The following COMMD1 variants were observed in gnomAD, a reference collection of about 807,000 sequenced individuals.
The protein encoded by COMMD1 is copper metabolism domain containing 1.
COMMD1 carries 10 observed loss-of-function variants against 17.2 expected under a neutral mutation model. The observed-to-expected ratio is 0.58, with a 90% CI of 0.36 to 0.99. COMMD1 has a LOEUF of 0.99. COMMD1 is among the 50% of genes least tolerant of loss of function. The pLI is 0.01. For missense variants in COMMD1, 270 were observed against 231.8 expected (o/e 1.17, Z -1.07); for synonymous variants, 97 against 91.6 (o/e 1.06, Z -0.34).
At chr2:61,971,249 C>G (rs1275892743) in intron 1 of COMMD1, among the ~76,000 whole-genome samples, 1 of 152,204 alleles carries the variant, frequency 6.6e-6, no homozygotes, top group Non-Finnish European at 1.5e-5. Flanking sequence ...AATAAAGGGG[C>G]GTGAGAGCCT....
intron 2 of COMMD1, among the ~76,000 whole-genome samples, chr2:62,010,224 A>C (rs1296714986): frequency 1.3e-5 from 2 of 152,080 alleles, no homozygotes; most frequent in Non-Finnish European, 2.9e-5. Context: ...GACATACTTG[A>C]ATTACCTTGT....
At chr2:61,933,167 C>T (rs1174386361) in intron 1 of COMMD1, among the ~76,000 whole-genome samples, 1 of 151,906 alleles carries the variant, frequency 6.6e-6, no homozygotes, top group East Asian at 1.9e-4. Context: ...CTGAAATTAG[C>T]CGCATTTATC....
chr2:61,946,455 A>C (rs1034701282), intron 1 of COMMD1, among the ~76,000 whole-genome samples: 2 of 152,180 alleles, frequency 1.3e-5, no homozygotes, highest in African/African-American at 2.4e-5. Context: ...GGATATGATA[A>C]AGCACTGGAA....
intron 2 of COMMD1, among the ~76,000 whole-genome samples, chr2:62,001,504 C>A (rs1668940803): frequency 6.6e-6 from 1 of 152,102 alleles, no homozygotes. Flanking sequence ...CTTCTTTTCC[C>A]AACAGTTACA....
intron 2 of COMMD1, among the ~76,000 whole-genome samples, chr2:62,099,512 C>A (rs932557750): frequency 6.6e-6 from 1 of 151,940 alleles, no homozygotes; most frequent in African/African-American, 2.4e-5. Context: ...GCTGTGGTGC[C>A]CACTGGGGAC....
intron 1 of COMMD1, among the ~76,000 whole-genome samples, chr2:61,984,146 T>A (rs1672036614): frequency 6.6e-6 from 1 of 152,152 alleles, no homozygotes; most frequent in African/African-American, 2.4e-5. Context: ...CACCTCAGCC[T>A]CCTGAGTGGC....
intron 2 of COMMD1, among the ~76,000 whole-genome samples, chr2:62,123,081 A>G (rs943772386): frequency 6.6e-6 from 1 of 152,208 alleles, no homozygotes; most frequent in Non-Finnish European, 1.5e-5. Flanking sequence ...CATGGAAGCC[A>G]GGTGTGTTGG....
chr2:62,079,278 A>AC (rs1671449322), intron 2 of COMMD1, among the ~76,000 whole-genome samples: 1 of 152,164 alleles, frequency 6.6e-6, no homozygotes, highest in Non-Finnish European at 1.5e-5. Flanking sequence ...GAAAGCATCC[A>AC]CCCTGGGTAC....
intron 1 of COMMD1, among the ~76,000 whole-genome samples, chr2:61,917,774 G>A (rs761663776): frequency 8.5e-5 from 13 of 152,132 alleles, no homozygotes; most frequent in African/African-American, 1.2e-4. Context: ...CTCGTGATCC[G>A]CCCGCCTTGG....
intron 2 of COMMD1, among the ~76,000 whole-genome samples, chr2:62,066,086 G>T (rs113550221): frequency 6.6e-6 from 1 of 152,030 alleles, no homozygotes; most frequent in Non-Finnish European, 1.5e-5. Context: ...GCATTACTGG[G>T]GTTTAATTTG....
At chr2:62,100,437 T>G (rs1484455705) in intron 2 of COMMD1, 1 of 152,062 alleles carries the variant, frequency 6.6e-6, no homozygotes, top group East Asian at 1.9e-4. Flanking sequence ...GTGCCCAAGG[T>G]GATCAGGGCA....
At chr2:62,024,247 C>T (rs1355020526) in intron 2 of COMMD1, among the ~76,000 whole-genome samples, 1 of 151,962 alleles carries the variant, frequency 6.6e-6, no homozygotes, top group Non-Finnish European at 1.5e-5. Flanking sequence ...GACAGGGTCT[C>T]CCTCTGTAAC....
intron 2 of COMMD1, among the ~76,000 whole-genome samples, chr2:62,047,452 TTTTC>T (rs753470608): frequency 1.1e-4 from 17 of 151,986 alleles, no homozygotes; most frequent in Admixed American, 3.3e-4. Context: ...CTGCCCTTTC[TTTTC>T]TTTCTTTCTT....
At chr2:62,097,586 G>A (rs749120583) in intron 2 of COMMD1, among the ~76,000 whole-genome samples, 3 of 152,150 alleles carry the variant, frequency 2.0e-5, no homozygotes, top group Non-Finnish European at 2.9e-5. Flanking sequence ...TGAGCATTAT[G>A]GGTCTCTAGG....
intron 1 of COMMD1, among the ~76,000 whole-genome samples, chr2:61,955,482 T>A (rs1671174737): frequency 6.6e-6 from 1 of 152,154 alleles, no homozygotes; most frequent in Non-Finnish European, 1.5e-5. Context: ...TTGATGAAGC[T>A]CAGTTTATTA....
At chr2:62,116,793 C>G (rs1672618854) in intron 2 of COMMD1, among the ~76,000 whole-genome samples, 1 of 151,342 alleles carries the variant, frequency 6.6e-6, no homozygotes, top group South Asian at 2.1e-4. Context: ...TCCAGACCAG[C>G]CTGACCAACC....
At chr2:61,977,617 A>C (rs1671840330) in intron 1 of COMMD1, among the ~76,000 whole-genome samples, 1 of 152,082 alleles carries the variant, frequency 6.6e-6, no homozygotes, top group African/African-American at 2.4e-5. Context: ...TTTTTTGTAG[A>C]AGTATTTCCA....
At chr2:62,014,390 G>A (rs1669372084) in intron 2 of COMMD1, among the ~76,000 whole-genome samples, 1 of 151,978 alleles carries the variant, frequency 6.6e-6, no homozygotes, top group East Asian at 1.9e-4. Flanking sequence ...TAGTATGTGT[G>A]TACTGGCTGG....
intron 1 of COMMD1, among the ~76,000 whole-genome samples, chr2:61,922,224 A>G (rs11688525): frequency 0.11 from 16,788 of 152,170 alleles, 2,129 homozygotes; most frequent in African/African-American, 0.31. Flanking sequence ...GGAAGATTCT[A>G]AAGATTTACG....
Sources: gnomAD v4.1 joint callset for allele counts (sites outside exome capture counted in the v4.1 genomes callset) on GRCh38, gnomAD v4.1.1 for gene constraint, MANE v1.5 for transcripts, NCBI Gene and HGNC (gene_info 2026-07-23, HGNC 2026-07-21) for gene names.